Variants in FYB2 observed in about 807,000 individuals in gnomAD.
FYB2 encodes the protein FYN binding protein 2, also known as FYN-binding protein 2.
A neutral mutation model predicts 94.1 loss-of-function variants in FYB2; 103 were observed. The ratio of observed to expected loss-of-function variants is 1.09; its 90% CI spans 0.93 to 1.29. The LOEUF (loss-of-function observed/expected upper bound fraction) is 1.29. Ranked by LOEUF, FYB2 falls within the 50% of genes most tolerant of loss-of-function variation. The probability of loss-of-function intolerance (pLI) is 0.00; values close to 1 mark genes in which losing one functional copy is unlikely to be tolerated. For missense variants in FYB2, 896 were observed against 841.5 expected (o/e 1.06, Z -0.80); for synonymous variants, 293 against 287.9 (o/e 1.02, Z -0.18).
intron 5 of FYB2, among the ~76,000 whole-genome samples, chr1:56,763,953 AT>A (rs753365184): frequency 0.03 from 4,035 of 133,626 alleles, 130 homozygotes; most frequent in African/African-American, 0.089. Flanking sequence ...TATTATGTCT[AT>A]TTTTTTTTTT....
chr1:56,751,193 C>T lies in FYB2; in HGVS notation c.1238G>A (p.Cys413Tyr), dbSNP rs754800923. 4 of 1,612,396 alleles carry T rather than the reference C, an allele frequency of 2.5e-6. No individual in the cohort carries two copies. The highest frequency in any genetic ancestry group is 1.3e-5 in the African/African-American group (1 of 74,918). ...YSNHVFKVDA[C>Y]EGTPEKIQMT... Reference sequence around the variant, plus strand: ...CTGAATTTTTTCAGGTGTCCCTTCACAGGCATCTACCTAAACATATGCAAA... The same window carrying T: ...CTGAATTTTTTCAGGTGTCCCTTCATAGGCATCTACCTAAACATATGCAAA... Residue 413 changes from cysteine (C) to tyrosine (Y), a missense_variant, in exon 9 of 20, where the codon TGT becomes TAT. Physicochemically the swap from Cys to Tyr is radical, Grantham distance 194 (BLOSUM62 -2). Transcript: ENST00000343433.
intron 8 of FYB2, 57 bp downstream of exon 8, chr1:56,753,782 C>A (rs1645257939): frequency 2.4e-6 from 3 of 1,224,654 alleles, no homozygotes; most frequent in Non-Finnish European, 3.6e-6. Context: ...TATAAAGTCA[C>A]CCCCATGAAC....
chr1:56,738,864 C>T (rs535458099), intron 13 of FYB2, among the ~76,000 whole-genome samples: 7 of 152,064 alleles, frequency 4.6e-5, no homozygotes, highest in African/African-American at 1.7e-4. Flanking sequence ...AATGGGTAAT[C>T]CAGGTTTGGG....
chr1:56,779,450 C>T, intron 4 of FYB2, among the ~76,000 whole-genome samples: 1 of 152,102 alleles, frequency 6.6e-6, no homozygotes, highest in Non-Finnish European at 1.5e-5. Context: ...ATGTGAGTCC[C>T]CGCTCTCACA....
chr1:56,757,431 T>A (rs1396874819), intron 6 of FYB2, among the ~76,000 whole-genome samples: 1 of 151,576 alleles, frequency 6.6e-6, no homozygotes, highest in African/African-American at 2.4e-5. Flanking sequence ...ACTGATCCCA[T>A]TAAAACACTG....
intron 16 of FYB2, 142 bp downstream of exon 16, chr1:56,726,355 C>T (rs1644583054): frequency 3.0e-6 from 2 of 674,108 alleles, no homozygotes; most frequent in Admixed American, 3.1e-5. Flanking sequence ...CTCAACTGTA[C>T]CATGATGTAG....
chr1:56,740,000 G>C (rs1161364496), intron 13 of FYB2, among the ~76,000 whole-genome samples: 1 of 152,020 alleles, frequency 6.6e-6, no homozygotes. Context: ...AGCGTCTCCA[G>C]GGTCCCCCTT....
intron 9 of FYB2, among the ~76,000 whole-genome samples, chr1:56,749,034 C>A (rs1645133641): frequency 6.7e-6 from 1 of 149,682 alleles, no homozygotes; most frequent in Non-Finnish European, 1.5e-5. Flanking sequence ...CAGGAGAAAT[C>A]AGCAGTCAGA....
chr1:56,726,032 A>T (rs1375291291), intron 16 of FYB2, among the ~76,000 whole-genome samples: 1 of 152,076 alleles, frequency 6.6e-6, no homozygotes, highest in Non-Finnish European at 1.5e-5. Context: ...ACTCAGTAAA[A>T]CATTTTCTTG....
At chr1:56,795,382 A>ATAAGAT (rs1646372566) in intron 1 of FYB2, among the ~76,000 whole-genome samples, 2 of 152,194 alleles carry the variant, frequency 1.3e-5, no homozygotes, top group Admixed American at 1.3e-4. Flanking sequence ...TTCATCCGTC[A>ATAAGAT]ATGGAGAGTC....
At position 56,726,529 on chromosome 1, in the gene FYB2, T is replaced by C. The variant is rs147468781; in HGVS notation, c.1848A>G (p.Lys616=). The change falls in exon 16 of 20, where the codon AAA becomes AAG. Residue 616 remains lysine (K), a synonymous_variant. Coordinates refer to ENST00000343433, the MANE Select transcript of FYB2 (RefSeq NM_001004303.5). The part of the protein sequence containing the change: ...WKPKFLTPKE[K]KEKNGAEESE... ...ATTCTTCAGCACCGTTTTTCTCTTT[T>C]TTTTCCTTTGGTGTCAGAAACTTGG... The C allele has an allele frequency of 1.8e-5, 29 of 1,612,442 alleles. No homozygotes were observed. In the African/African-American group the frequency reaches 3.5e-4, roughly 19 times the overall value.
rs748228435 is a variant in FYB2 at position 56,751,115 on chromosome 1, G to A, written c.1316C>T (p.Ala439Val). 4 of 1,612,724 alleles carry A rather than the reference G, an allele frequency of 2.5e-6. No homozygotes were observed. The highest frequency in any genetic ancestry group is 1.7e-5 in the Admixed American group (1 of 59,838). ...RRNMLAGKQE[A>V]MIDIIQTNPC... ...ATTTGTCTGGATGATGTCAATCATG[G>A]CCTCTTGCTTTCCAGCCAACATGTT... The change falls in exon 9 of 20, where the codon GCC (alanine) becomes GTC (valine). Residue 439 changes from alanine to valine, a missense_variant. Physicochemically the swap from Ala to Val is moderately conservative, Grantham distance 64. Coordinates refer to ENST00000343433, the MANE Select transcript of FYB2 (RefSeq NM_001004303.5).
In FYB2 at chr1:56,777,102, C is replaced by T. The variant is rs1241042041; in HGVS notation, c.954-9164G>A. On this transcript the variant is annotated intron_variant, in intron 4 of 19. Transcript: ENST00000343433. ...ACAAAAAATTAGCCGGGCGTAGTGG[C>T]GGGCGCCTGTGGTCCCAGCTACTTG... Among the ~76,000 whole-genome samples the T allele has an allele frequency of 1.5e-3, 65 of 43,696 alleles. 28 individuals are homozygous for T. Among genetic ancestry groups the T allele is most frequent in the Non-Finnish European group, 2.1e-3 (61 of 28,766 alleles). The allele number at this position is 43,696 out of a possible 152,430, so 28.7% of individuals were successfully genotyped here.
intron 1 of FYB2, among the ~76,000 whole-genome samples, chr1:56,818,496 ACACATG>A (rs1472847699): frequency 1.5e-5 from 2 of 129,206 alleles, no homozygotes; most frequent in African/African-American, 2.8e-5. Context: ...ACACACACAC[ACACATG>A]CACACGCACA....
chr1:56,817,071 A>T (rs1482105439), intron 1 of FYB2, among the ~76,000 whole-genome samples: 1 of 152,180 alleles, frequency 6.6e-6, no homozygotes, highest in Non-Finnish European at 1.5e-5. Context: ...AACAGTAGTC[A>T]GATGATCCTT....
chr1:56,738,848 A>G (rs1644887505), intron 13 of FYB2, among the ~76,000 whole-genome samples, 195 bp from the exon 14 acceptor site: 3 of 152,138 alleles, frequency 2.0e-5, no homozygotes, highest in African/African-American at 7.2e-5. Context: ...ATGGGAACAC[A>G]AAGGAAATGG....
chr1:56,735,617 G>A (rs1421312649), intron 15 of FYB2, among the ~76,000 whole-genome samples: 5 of 152,098 alleles, frequency 3.3e-5, no homozygotes, highest in Admixed American at 2.0e-4. Context: ...GGAGGTGACT[G>A]GAGGTGTAGG....
chr1:56,756,270 A>C (rs1265789455), intron 6 of FYB2, among the ~76,000 whole-genome samples: 2 of 152,158 alleles, frequency 1.3e-5, no homozygotes, highest in Non-Finnish European at 2.9e-5. Context: ...GATTTAAGCA[A>C]TATTTTACTG....
At position 56,751,115 on chromosome 1, in the gene FYB2, G is replaced by T; in HGVS notation, c.1316C>A (p.Ala439Asp). The change falls in exon 9 of 20, where the codon GCC becomes GAC. Residue 439 changes from alanine (A) to aspartate (D), a missense_variant. Coordinates refer to ENST00000343433, the MANE Select transcript of FYB2 (RefSeq NM_001004303.5). ...RRNMLAGKQE[A>D]MIDIIQTNPC... is the part of the protein sequence containing the mutation. ...ATTTGTCTGGATGATGTCAATCATG[G>T]CCTCTTGCTTTCCAGCCAACATGTT... 13 of 1,612,842 alleles carry T rather than the reference G, an allele frequency of 8.1e-6. No individual in the cohort carries two copies. Among genetic ancestry groups the T allele is most frequent in the Non-Finnish European group, 1.1e-5 (13 of 1,179,248 alleles).
Sources: gnomAD v4.1 joint callset for allele counts (sites outside exome capture counted in the v4.1 genomes callset) on GRCh38, gnomAD v4.1.1 for gene constraint, MANE v1.5 for transcripts, NCBI Gene and HGNC (gene_info 2026-07-23, HGNC 2026-07-21) for gene names.